The following PTPRT variants were observed in gnomAD, a reference collection of about 807,000 sequenced individuals.
PTPRT encodes receptor-type tyrosine-protein phosphatase T.
In PTPRT, 56 loss-of-function variants were observed where a neutral mutation model predicts 176.8. That is an observed-to-expected ratio of 0.32 (90% confidence interval 0.26 to 0.40). The LOEUF (loss-of-function observed/expected upper bound fraction) is 0.40. Among genes scored for constraint, PTPRT ranks in the 10% least tolerant of loss-of-function variants. PTPRT has a pLI of 1.00. For synonymous variants in PTPRT, 783 were observed against 739.0 expected (o/e 1.06, Z -0.96); for missense variants, 1,540 against 1,908.2 (o/e 0.81, Z 3.60).
At chr20:42,948,298 C>T (rs550799182) in intron 1 of PTPRT, among the ~76,000 whole-genome samples, 5 of 152,288 alleles carry the variant, frequency 3.3e-5, no homozygotes, top group Middle Eastern at 3.4e-3. Context: ...ACTGTTTGAG[C>T]TGCCCTACAC....
chr20:43,046,307 C>T lies in PTPRT; in HGVS notation c.88+143339G>A, dbSNP rs186728631. On this transcript the variant is annotated intron_variant, in intron 1 of 30. Coordinates refer to ENST00000373187, the MANE Select transcript of PTPRT (RefSeq NM_007050.6). ...GCTACTGAGGCCAGGCGCGGTGGCT[C>T]GCACCTGTAATCCCAGCACTTTGGG... is the stretch of plus-strand genomic sequence containing the variant. Among the ~76,000 whole-genome samples, 600 of 152,106 alleles carry T rather than the reference C, an allele frequency of 3.9e-3. 4 individuals are homozygous for T. The highest frequency in any genetic ancestry group is 0.014 in the African/African-American group (577 of 41,494).
intron 11 of PTPRT, among the ~76,000 whole-genome samples, chr20:42,338,041 G>A (rs893913337): frequency 5.3e-5 from 8 of 152,160 alleles, no homozygotes; most frequent in Admixed American, 2.0e-4. Flanking sequence ...CATCTGCCTG[G>A]AGCCTATGGG....
At chr20:43,092,440 G>A (rs1214501412) in intron 1 of PTPRT, among the ~76,000 whole-genome samples, 1 of 152,208 alleles carries the variant, frequency 6.6e-6, no homozygotes, top group Non-Finnish European at 1.5e-5. Flanking sequence ...GTAGTATTTA[G>A]AACTGTATTT....
intron 30 of PTPRT, 60 bp downstream of exon 30, chr20:42,081,822 C>T (rs1983353813): frequency 1.3e-5 from 21 of 1,583,594 alleles, no homozygotes; most frequent in Non-Finnish European, 1.8e-5. Flanking sequence ...ATGTCATTTT[C>T]TCCAGGTCAA....
intron 6 of PTPRT, among the ~76,000 whole-genome samples, chr20:42,713,672 C>T (rs1473457520): frequency 6.6e-6 from 1 of 152,266 alleles, no homozygotes; most frequent in South Asian, 2.1e-4. Context: ...TAAAATGTAA[C>T]CCCGATTGTT....
intron 7 of PTPRT, among the ~76,000 whole-genome samples, chr20:42,518,361 G>T (rs1336938727): frequency 6.6e-6 from 1 of 151,542 alleles, no homozygotes; most frequent in African/African-American, 2.4e-5. Context: ...AGATAATTTT[G>T]TATCTTTGTT....
intron 1 of PTPRT, chr20:42,966,164 G>A (rs1285001056): frequency 6.6e-6 from 1 of 152,150 alleles, no homozygotes; most frequent in Non-Finnish European, 1.5e-5. Flanking sequence ...TTTTCGGGTC[G>A]TTTGAACCTT....
chr20:43,054,175 G>A (rs1987148885), intron 1 of PTPRT, among the ~76,000 whole-genome samples: 1 of 152,130 alleles, frequency 6.6e-6, no homozygotes, highest in South Asian at 2.1e-4. Context: ...ATCTACTTGA[G>A]AAACAAAATA....
chr20:42,191,862 T>C (rs900005730), intron 16 of PTPRT, among the ~76,000 whole-genome samples: 1 of 152,188 alleles, frequency 6.6e-6, no homozygotes, highest in African/African-American at 2.4e-5. Context: ...GAACTAGATC[T>C]GAGTGTGAAT....
intron 16 of PTPRT, among the ~76,000 whole-genome samples, chr20:42,168,884 C>G (rs1989952001): frequency 6.6e-6 from 1 of 152,198 alleles, no homozygotes; most frequent in African/African-American, 2.4e-5. Flanking sequence ...AATGTAACAA[C>G]AGATGGATTT....
chr20:42,113,429 T>G (rs1165534184), intron 22 of PTPRT, among the ~76,000 whole-genome samples: 1 of 152,156 alleles, frequency 6.6e-6, no homozygotes, highest in African/African-American at 2.4e-5. Flanking sequence ...GCAGGGACTG[T>G]TGGTTGCTAC....
In PTPRT at chr20:42,291,397, C is replaced by A. The variant is rs575723284; in HGVS notation, c.2140-8872G>T. Among the ~76,000 whole-genome samples, 20 of 152,144 alleles carry A rather than the reference C, an allele frequency of 1.3e-4. No individual in the cohort carries two copies. In the South Asian group the frequency reaches 4.1e-3, roughly 32 times the overall value. On this transcript the variant is annotated intron_variant, in intron 12 of 30. Transcript: ENST00000373187. Reference sequence around the variant, plus strand: ...CAAACAAGTATCTAATTAAAAGTTGCAATAAACACTGGGAGATATGCAATA... The same window carrying A: ...CAAACAAGTATCTAATTAAAAGTTGAAATAAACACTGGGAGATATGCAATA...
chr20:42,158,012 GC>G (rs2146489313), intron 17 of PTPRT, among the ~76,000 whole-genome samples: 1 of 152,294 alleles, frequency 6.6e-6, no homozygotes, highest in African/African-American at 2.4e-5. Flanking sequence ...GATGATTCCA[GC>G]CCCCAGCCTT....
intron 13 of PTPRT, among the ~76,000 whole-genome samples, chr20:42,272,706 C>A (rs1197636831): frequency 2.2e-5 from 3 of 133,858 alleles, no homozygotes; most frequent in Non-Finnish European, 1.6e-5. Context: ...CGCATGCGTG[C>A]ACACACACGT....
chr20:42,125,860 C>G (rs1301084950), intron 19 of PTPRT, among the ~76,000 whole-genome samples: 1 of 152,090 alleles, frequency 6.6e-6, no homozygotes, highest in Non-Finnish European at 1.5e-5. Flanking sequence ...ATGCCAGATA[C>G]AGAAACTCAG....
intron 1 of PTPRT, among the ~76,000 whole-genome samples, chr20:42,998,502 A>G (rs541139814): frequency 6.6e-6 from 1 of 152,182 alleles, no homozygotes; most frequent in Non-Finnish European, 1.5e-5. Flanking sequence ...CACCCAGAAG[A>G]TCATTGAGAA....
At chr20:42,146,268 G>A (rs1988863035) in intron 17 of PTPRT, among the ~76,000 whole-genome samples, 2 of 152,162 alleles carry the variant, frequency 1.3e-5, no homozygotes, top group South Asian at 4.1e-4. Flanking sequence ...CTGATCTATT[G>A]AGGGTGGATT....
chr20:42,717,558 T>C lies in PTPRT; in HGVS notation c.859+38904A>G, dbSNP rs190133601. ...GACCTATATTTGAAATGTAGAGTAA[T>C]AGAAATTCTAAAGATAATGTGAGAC... On this transcript the variant is annotated intron_variant, in intron 6 of 30. Transcript: ENST00000373187. Among the ~76,000 whole-genome samples the C allele has an allele frequency of 7.9e-5, 12 of 152,024 alleles. No homozygotes were observed. The East Asian group carries it at 1.9e-3, about 24-fold the overall frequency.
downstream of PTPRT, among the ~76,000 whole-genome samples, chr20:42,072,225 T>C (rs554954905): frequency 6.6e-6 from 1 of 152,338 alleles, no homozygotes; most frequent in South Asian, 2.1e-4. Context: ...TAACAGCTCA[T>C]GTGCCCCAGC....
Sources: gnomAD v4.1 joint callset for allele counts (sites outside exome capture counted in the v4.1 genomes callset) on GRCh38, gnomAD v4.1.1 for gene constraint, MANE v1.5 for transcripts, NCBI Gene and HGNC (gene_info 2026-07-23, HGNC 2026-07-21) for gene names.